The following NLRP12 variants were observed in gnomAD, a reference collection of about 807,000 sequenced individuals.
The protein encoded by NLRP12 is NLR family pyrin domain containing 12, also known as NACHT, LRR and PYD domains-containing protein 12.
NLRP12 carries 108 observed loss-of-function variants against 91.2 expected under a neutral mutation model. That is an observed-to-expected ratio of 1.18 (90% CI 1.01 to 1.39). NLRP12 has a LOEUF of 1.39. Ranked by LOEUF, NLRP12 falls within the 40% of genes most tolerant of loss-of-function variation. The pLI is 0.00. For synonymous variants in NLRP12, 613 were observed against 566.7 expected (o/e 1.08, Z -1.16); for missense variants, 1,530 against 1,352.7 (o/e 1.13, Z -2.06).
chr19:53,822,338 C>T (rs2092273284), intron 1 of NLRP12, among the ~76,000 whole-genome samples: 1 of 151,996 alleles, frequency 6.6e-6, no homozygotes, highest in African/African-American at 2.4e-5. Context: ...AATTGGTGGC[C>T]AGGCAGTGGT....
chr19:53,812,161 G>C (rs1438433273), intron 2 of NLRP12, among the ~76,000 whole-genome samples: 1 of 151,632 alleles, frequency 6.6e-6, no homozygotes, highest in African/African-American at 2.4e-5. Context: ...GTACAGACAG[G>C]GTCTTGCTGT....
chr19:53,801,185 A>G (rs2091863218), intron 7 of NLRP12, 42 bp downstream of exon 7: 1 of 1,597,996 alleles, frequency 6.3e-7, no homozygotes, highest in Non-Finnish European at 8.6e-7. Context: ...GGCTGCGTTC[A>G]TGGATTGGGA....
chr19:53,807,792 C>T, intron 3 of NLRP12, 127 bp from the exon 4 acceptor site: 2 of 1,148,570 alleles, frequency 1.7e-6, no homozygotes, highest in Non-Finnish European at 2.5e-6. Context: ...CTCTTGTTGC[C>T]CAGGCTGGAG....
intron 1 of NLRP12, among the ~76,000 whole-genome samples, chr19:53,816,130 C>T (rs904275414): frequency 6.6e-6 from 1 of 151,928 alleles, no homozygotes; most frequent in Admixed American, 6.6e-5. Context: ...CCTTCCTTGG[C>T]ATCTTTGGTC....
intron 8 of NLRP12, 97 bp from the exon 9 acceptor site, chr19:53,796,126 G>T: frequency 8.2e-7 from 1 of 1,213,416 alleles, no homozygotes; most frequent in Non-Finnish European, 1.2e-6. Flanking sequence ...GAGTACAGTG[G>T]TGAGATTTCT....
rs143499267 is a variant in NLRP12 at position 53,804,050 on chromosome 19, C to G, written c.2487G>C (p.Leu829=). The change falls in exon 6 of 10, where the codon CTG becomes CTC. Residue 829 remains leucine (L), a synonymous_variant. Transcript: ENST00000324134. ...MASVLGTNPH[L]VELDLTGNAL... ...CATTTCCTGTCAGGTCCAACTCAAC[C>G]AGATGTGGGTTGGTGCCGAGCACAG... is the stretch of plus-strand genomic sequence containing the variant. The G allele has an allele frequency of 1.3e-5, 21 of 1,613,992 alleles. No homozygotes were observed. The highest frequency in any genetic ancestry group is 8.8e-5 in the South Asian group (8 of 91,078).
chr19:53,803,756 T>A, intron 6 of NLRP12, 196 bp downstream of exon 6: 1 of 597,054 alleles, frequency 1.7e-6, no homozygotes, highest in Non-Finnish European at 3.1e-6. Flanking sequence ...GTATCTTTAG[T>A]AGAGAGGGGG....
intron 1 of NLRP12, among the ~76,000 whole-genome samples, chr19:53,816,416 G>T (rs2092160520): frequency 6.7e-6 from 1 of 148,784 alleles, no homozygotes; most frequent in Non-Finnish European, 1.5e-5. Context: ...TGACCCTCTT[G>T]GCATATGGGG....
intron 6 of NLRP12, among the ~76,000 whole-genome samples, chr19:53,802,671 C>T (rs1315557161): frequency 2.0e-5 from 3 of 151,178 alleles, no homozygotes; most frequent in African/African-American, 7.3e-5. Flanking sequence ...CACACCACTG[C>T]ACTCCAGCCT....
chr19:53,823,423 T>TATTTTTTAAA (rs1555799937), intron 1 of NLRP12, among the ~76,000 whole-genome samples: 1 of 109,912 alleles, frequency 9.1e-6, no homozygotes, highest in Non-Finnish European at 1.7e-5. Context: ...ATGTTTTAAA[T>TATTTTTTAAA]ATATATATTT....
intron 1 of NLRP12, among the ~76,000 whole-genome samples, chr19:53,820,788 C>T (rs1334885003): frequency 4.0e-5 from 6 of 148,332 alleles, no homozygotes; most frequent in Non-Finnish European, 5.9e-5. Context: ...CCCAGGTTCA[C>T]GCCATTCTCC....
At chr19:53,794,550 A>G (rs1233816743) in intron 9 of NLRP12, among the ~76,000 whole-genome samples, 3 of 53,650 alleles carry the variant, frequency 5.6e-5, no homozygotes, top group South Asian at 7.6e-4. Context: ...CTAGTCTCCT[A>G]ACCTCGTGAT....
At position 53,796,062 on chromosome 19, in the gene NLRP12, C is replaced by T. The variant is rs374239095; in HGVS notation, c.2928-33G>A. On this transcript the variant is annotated intron_variant, in intron 8 of 9. Coordinates refer to ENST00000324134, the MANE Select transcript of NLRP12 (RefSeq NM_144687.4). ...AGATAAGGAGTTGGTTAAGGTAACA[C>T]CAGGGGCTACTTATGTTATTCGGAG... is the stretch of plus-strand genomic sequence containing the variant. The T allele has an allele frequency of 2.1e-4, 344 of 1,600,804 alleles. 1 individual carries two copies. Among genetic ancestry groups the T allele is most frequent in the Non-Finnish European group, 2.8e-4 (325 of 1,168,126 alleles).
rs111585631 is a variant in NLRP12 at position 53,820,027 on chromosome 19, G to C, written c.289+3859C>G. On this transcript the variant is annotated intron_variant, in intron 1 of 9. Coordinates refer to ENST00000324134, the MANE Select transcript of NLRP12 (RefSeq NM_144687.4). The stretch of plus-strand genomic sequence containing the variant: ...TACTGGCACACCTCATTAACGACGA[G>C]TCATTAAGCTTTGCAGAAGTGACTG... 3.0e-3 allele frequency among the ~76,000 whole-genome samples: 462 copies of C among 152,182 alleles called. 1 individual carries two copies. The highest frequency in any genetic ancestry group is 0.011 in the African/African-American group (443 of 41,528).
rs771050093 is a variant in NLRP12, at chr19:53,801,250, G to A, written c.2733C>T (p.Pro911=). Residue 911 remains proline (P), a synonymous_variant, in exon 7 of 10, where the codon CCC becomes CCT. Transcript: ENST00000324134. Reference sequence around the variant, plus strand: ...ACCGCAGGGTCTGGAGCTTGCACGTGGGATGCCTGAGGCCCTCACACAGCA... The same window carrying A: ...ACCGCAGGGTCTGGAGCTTGCACGTAGGATGCCTGAGGCCCTCACACAGCA... ...VLLLCEGLRH[P]TCKLQTLRLG... 1.9e-6 allele frequency: 3 copies of A among 1,613,908 alleles called. No homozygotes were observed. The highest frequency in any genetic ancestry group is 2.2e-5 in the South Asian group (2 of 91,066).
At chr19:53,804,202 T>C in intron 5 of NLRP12, 80 bp from the exon 6 acceptor site, 8 of 1,486,854 alleles carry the variant, frequency 5.4e-6, no homozygotes, top group Non-Finnish European at 7.4e-6. Flanking sequence ...CCTGTTATTT[T>C]ATTATTTAGG....
chr19:53,814,410 T>A (rs1199227044), intron 2 of NLRP12, among the ~76,000 whole-genome samples: 1 of 152,108 alleles, frequency 6.6e-6, no homozygotes, highest in South Asian at 2.1e-4. Flanking sequence ...TGGAGTGCAG[T>A]GGTGCAATCT....
chr19:53,822,704 T>A (rs1599873980), intron 1 of NLRP12, among the ~76,000 whole-genome samples: 1 of 137,218 alleles, frequency 7.3e-6, no homozygotes. Context: ...GCCACTGCAC[T>A]CCAGCCTGGG....
At chr19:53,823,408 A>AAC (rs1568702529) in intron 1 of NLRP12, among the ~76,000 whole-genome samples, 1 of 112,800 alleles carries the variant, frequency 8.9e-6, no homozygotes, top group African/African-American at 3.4e-5. Context: ...ATATATTTAA[A>AAC]ATATATGTTT....
Sources: gnomAD v4.1 joint callset for allele counts (sites outside exome capture counted in the v4.1 genomes callset) on GRCh38, gnomAD v4.1.1 for gene constraint, MANE v1.5 for transcripts, NCBI Gene and HGNC (gene_info 2026-07-23, HGNC 2026-07-21) for gene names.